XIRP2: variants seen among roughly 807,000 people sequenced by gnomAD.
XIRP2 encodes xin actin binding repeat containing 2.
In XIRP2, 236 loss-of-function variants were observed where a neutral mutation model predicts 277.0. That is an observed-to-expected ratio of 0.85 (90% confidence interval 0.77 to 0.95). The LOEUF (loss-of-function observed/expected upper bound fraction) is 0.95, where lower values mean the gene tolerates loss of function less well. XIRP2 is among the 40% of genes least tolerant of loss of function. XIRP2 has a pLI of 0.00. For synonymous variants in XIRP2, 1,490 were observed against 1,416.5 expected (o/e 1.05, Z -1.17); for missense variants, 4,640 against 4,157.5 (o/e 1.12, Z -3.19).
At chr2:166,964,731 A>C (rs1349332110) in intron 2 of XIRP2, among the ~76,000 whole-genome samples, 1 of 151,856 alleles carries the variant, frequency 6.6e-6, no homozygotes, top group Non-Finnish European at 1.5e-5. Flanking sequence ...CTCCATATAC[A>C]TTTCAGAAGT....
intron 3 of XIRP2, among the ~76,000 whole-genome samples, chr2:167,174,501 CTCTTT>C (rs1475270550): frequency 2.0e-5 from 3 of 152,042 alleles, no homozygotes; most frequent in Non-Finnish European, 4.4e-5. Flanking sequence ...TGATTCTTCT[CTCTTT>C]TCTTCTTTAT....
intron 5 of XIRP2, among the ~76,000 whole-genome samples, chr2:167,231,065 A>G (rs973961251): frequency 1.3e-5 from 2 of 152,064 alleles, no homozygotes; most frequent in Non-Finnish European, 2.9e-5. Flanking sequence ...TTTAAAGAAA[A>G]CACAAGTTAT....
At chr2:167,209,091 A>AGCTG (rs548219657) in intron 3 of XIRP2, among the ~76,000 whole-genome samples, 97 of 152,334 alleles carry the variant, frequency 6.4e-4, no homozygotes, top group African/African-American at 2.2e-3. Context: ...TTTCAAAGAT[A>AGCTG]GCTGGCATTT....
intron 2 of XIRP2, among the ~76,000 whole-genome samples, chr2:167,011,095 C>T (rs1382767273): frequency 6.6e-6 from 1 of 150,498 alleles, no homozygotes; most frequent in East Asian, 2.0e-4. Context: ...CTGGCCAGAA[C>T]TTCCAACACT....
chr2:167,150,064 C>T (rs1348463826), intron 3 of XIRP2, among the ~76,000 whole-genome samples: 1 of 151,828 alleles, frequency 6.6e-6, no homozygotes, highest in Non-Finnish European at 1.5e-5. Flanking sequence ...GTACAATATA[C>T]TCATGTAACA....
chr2:167,232,653 C>A (rs1390497496), intron 5 of XIRP2, among the ~76,000 whole-genome samples: 1 of 151,882 alleles, frequency 6.6e-6, no homozygotes, highest in Non-Finnish European at 1.5e-5. Flanking sequence ...AGATACCAAA[C>A]ACTTTGGTAT....
At chr2:167,252,025 A>T in intron 9 of XIRP2, 78 bp downstream of exon 9, 1 of 1,496,408 alleles carries the variant, frequency 6.7e-7, no homozygotes, top group Non-Finnish European at 8.8e-7. Context: ...ATGTACAGTT[A>T]AAAAGAGTGC....
At position 166,986,560 on chromosome 2, in the gene XIRP2, G is replaced by A. The variant is rs35248313; in HGVS notation, c.408+82670G>A. On this transcript the variant is annotated intron_variant, in intron 2 of 10. Transcript: ENST00000409195. ...AAGGGCACCAAACCAGTTATTATCTGCCTTTAGCACCTGCTTTCTCTTGAG... is the reference window on the plus strand; with the variant it reads ...AAGGGCACCAAACCAGTTATTATCTACCTTTAGCACCTGCTTTCTCTTGAG... 5.3e-3 allele frequency among the ~76,000 whole-genome samples: 812 copies of A among 152,300 alleles called. 5 individuals carry two copies. Among genetic ancestry groups the A allele is most frequent in the Non-Finnish European group, 8.6e-3 (585 of 68,012 alleles).
intron 2 of XIRP2, among the ~76,000 whole-genome samples, chr2:167,095,000 T>C (rs933040340): frequency 1.3e-5 from 2 of 152,206 alleles, no homozygotes; most frequent in African/African-American, 4.8e-5. Flanking sequence ...CTTTGAGTGA[T>C]GATTTGTAAT....
At chr2:167,012,155 G>T (rs200415045) in intron 2 of XIRP2, among the ~76,000 whole-genome samples, 5,379 of 151,628 alleles carry the variant, frequency 0.035, 119 homozygotes, top group East Asian at 0.078. Context: ...GTGATGTTAG[G>T]GTGTCAATTT....
At chr2:167,204,573 T>A (rs1693806380) in intron 3 of XIRP2, among the ~76,000 whole-genome samples, 1 of 152,138 alleles carries the variant, frequency 6.6e-6, no homozygotes, top group South Asian at 2.1e-4. Context: ...AGATAAAAAA[T>A]AAAATAGCCT....
intron 3 of XIRP2, among the ~76,000 whole-genome samples, chr2:167,190,528 G>A (rs1049294378): frequency 6.6e-6 from 1 of 151,916 alleles, no homozygotes; most frequent in African/African-American, 2.4e-5. Flanking sequence ...TCCACAATAT[G>A]GTCTTCTCCT....
chr2:167,064,150 A>G (rs866944227), intron 2 of XIRP2, among the ~76,000 whole-genome samples: 1 of 151,972 alleles, frequency 6.6e-6, no homozygotes, highest in Middle Eastern at 3.5e-3. Context: ...TCTACAATGT[A>G]ATATTTTAAT....
chr2:167,035,972 G>GCAGCTTCTA (rs1268239969), intron 2 of XIRP2, among the ~76,000 whole-genome samples: 11 of 152,224 alleles, frequency 7.2e-5, no homozygotes, highest in Non-Finnish European at 1.5e-4. Flanking sequence ...CCCAAGCTTG[G>GCAGCTTCTA]CAGCTTCTAC....
intron 5 of XIRP2, among the ~76,000 whole-genome samples, chr2:167,229,063 C>T (rs548672217): frequency 6.2e-4 from 95 of 152,182 alleles, no homozygotes; most frequent in African/African-American, 2.1e-3. Context: ...CCCCCAAAGA[C>T]AAAAGGTCAC....
intron 2 of XIRP2, among the ~76,000 whole-genome samples, chr2:167,099,965 G>A (rs572587336): frequency 6.6e-6 from 1 of 152,126 alleles, no homozygotes; most frequent in South Asian, 2.1e-4. Context: ...CATCTTGCCT[G>A]GGAGCCTGTT....
intron 5 of XIRP2, among the ~76,000 whole-genome samples, chr2:167,230,826 A>C (rs1401856487): frequency 6.6e-6 from 1 of 152,050 alleles, no homozygotes; most frequent in Non-Finnish European, 1.5e-5. Flanking sequence ...TGTCTCCTTC[A>C]GTGCTCCCTC....
At chr2:167,205,459 T>C (rs1693827839) in intron 3 of XIRP2, among the ~76,000 whole-genome samples, 1 of 152,178 alleles carries the variant, frequency 6.6e-6, no homozygotes, top group East Asian at 1.9e-4. Flanking sequence ...GCTATTATTT[T>C]CCCATAAAGG....
chr2:167,175,680 A>G (rs67726376), intron 3 of XIRP2, among the ~76,000 whole-genome samples: 41,313 of 152,058 alleles, frequency 0.27, 7,066 homozygotes, highest in African/African-American at 0.49. Context: ...TTGGAGATGC[A>G]CTACTCTCTT....
Sources: gnomAD v4.1 joint callset for allele counts (sites outside exome capture counted in the v4.1 genomes callset) on GRCh38, gnomAD v4.1.1 for gene constraint, MANE v1.5 for transcripts, NCBI Gene and HGNC (gene_info 2026-07-23, HGNC 2026-07-21) for gene names.